The following ATRNL1 variants were observed in gnomAD, a reference collection of about 807,000 sequenced individuals.
ATRNL1 encodes the protein attractin-like protein 1.
In ATRNL1, 95 loss-of-function variants were observed where a neutral mutation model predicts 182.7. That is an observed-to-expected ratio of 0.52 (90% CI 0.44 to 0.62). The LOEUF (loss-of-function observed/expected upper bound fraction) is 0.62. Ranked by LOEUF, ATRNL1 falls within the 20% of genes least tolerant of loss-of-function variation. The probability of loss-of-function intolerance (pLI) is 0.00; values close to 1 mark genes in which losing one functional copy is unlikely to be tolerated. For missense variants in ATRNL1, 1,471 were observed against 1,679.5 expected, an observed-to-expected ratio of 0.88 and a Z score of 2.17; for synonymous variants, 576 against 568.3, an observed-to-expected ratio of 1.01 and a Z score of -0.19.
chr10:115,896,893 C>T (rs1230030686), intron 28 of ATRNL1, among the ~76,000 whole-genome samples: 1 of 151,970 alleles, frequency 6.6e-6, no homozygotes, highest in East Asian at 1.9e-4. Flanking sequence ...TATGAGTAAA[C>T]ATTTTTACAA....
chr10:115,474,967 A>T (rs1263550035), intron 24 of ATRNL1, among the ~76,000 whole-genome samples: 1 of 151,328 alleles, frequency 6.6e-6, no homozygotes, highest in African/African-American at 2.4e-5. Flanking sequence ...CCCCTAGGTG[A>T]TAATGTGCAC....
chr10:115,881,136 A>G (rs1555108472), intron 28 of ATRNL1, among the ~76,000 whole-genome samples: 1 of 152,176 alleles, frequency 6.6e-6, no homozygotes, highest in African/African-American at 2.4e-5. Context: ...TTTTATGCTC[A>G]GGGCATTGCC....
chr10:115,328,497 A>G (rs868991350), intron 18 of ATRNL1, among the ~76,000 whole-genome samples: 44 of 151,972 alleles, frequency 2.9e-4, no homozygotes, highest in Admixed American at 2.8e-3. Context: ...TCACCTTACT[A>G]CTGTTCTTGT....
intron 27 of ATRNL1, among the ~76,000 whole-genome samples, chr10:115,776,068 T>C (rs1313610987): frequency 6.6e-6 from 1 of 152,204 alleles, no homozygotes; most frequent in Non-Finnish European, 1.5e-5. Flanking sequence ...CTGTCTGCTT[T>C]CTTGATGACA....
intron 9 of ATRNL1, 113 bp from the exon 10 acceptor site, chr10:115,241,458 C>T: frequency 1.8e-6 from 1 of 552,942 alleles, no homozygotes; most frequent in Non-Finnish European, 2.9e-6. Flanking sequence ...TGTTTTTTTC[C>T]CCCACAATTC....
intron 26 of ATRNL1, among the ~76,000 whole-genome samples, chr10:115,579,106 G>T (rs150848710): frequency 1.4e-3 from 209 of 151,774 alleles, no homozygotes; most frequent in African/African-American, 4.7e-3. Flanking sequence ...GTTAAGAATT[G>T]TTTTGTGGTC....
intron 28 of ATRNL1, among the ~76,000 whole-genome samples, chr10:115,874,325 C>T (rs1951651676): frequency 1.3e-5 from 2 of 152,212 alleles, no homozygotes. Flanking sequence ...TTTCCGTTCT[C>T]ACACTGACCA....
chr10:115,297,822 T>C (rs1344346270), intron 15 of ATRNL1, among the ~76,000 whole-genome samples: 2 of 152,142 alleles, frequency 1.3e-5, no homozygotes, highest in Non-Finnish European at 2.9e-5. Context: ...GACATATTAT[T>C]TTTAGTTCTT....
chr10:115,439,521 T>C (rs1032552520), intron 21 of ATRNL1, among the ~76,000 whole-genome samples: 1 of 151,858 alleles, frequency 6.6e-6, no homozygotes, highest in Non-Finnish European at 1.5e-5. Context: ...TGTTGCTAAA[T>C]TGTACTAGTT....
chr10:115,183,699 A>T (rs780680961), intron 8 of ATRNL1, among the ~76,000 whole-genome samples: 1 of 151,544 alleles, frequency 6.6e-6, no homozygotes, highest in East Asian at 1.9e-4. Context: ...CACCAGGCCT[A>T]GATGATACCA....
intron 27 of ATRNL1, among the ~76,000 whole-genome samples, chr10:115,781,349 T>C (rs1213906889): frequency 2.0e-5 from 3 of 152,164 alleles, no homozygotes; most frequent in Non-Finnish European, 4.4e-5. Context: ...TTCTCCTAGA[T>C]ATAAGCCTAA....
At chr10:115,393,736 A>G (rs1844149077) in intron 19 of ATRNL1, among the ~76,000 whole-genome samples, 1 of 152,128 alleles carries the variant, frequency 6.6e-6, no homozygotes, top group African/African-American at 2.4e-5. Flanking sequence ...TGGCTGTTAG[A>G]ATGAAAAGGA....
At chr10:115,328,031 A>G (rs1380961950) in intron 18 of ATRNL1, among the ~76,000 whole-genome samples, 2 of 152,126 alleles carry the variant, frequency 1.3e-5, no homozygotes, top group African/African-American at 4.8e-5. Context: ...GCACATGTAT[A>G]CATATGTAAC....
chr10:115,405,048 A>C (rs1318800396), intron 20 of ATRNL1, among the ~76,000 whole-genome samples: 3 of 152,178 alleles, frequency 2.0e-5, no homozygotes, highest in Admixed American at 6.5e-5. Flanking sequence ...GTTAAGATTT[A>C]GGATATACTA....
At chr10:115,504,422 C>T (rs1850005105) in intron 24 of ATRNL1, among the ~76,000 whole-genome samples, 1 of 151,938 alleles carries the variant, frequency 6.6e-6, no homozygotes, top group Non-Finnish European at 1.5e-5. Context: ...ACTAGTCCAC[C>T]TAAAGCCACA....
At chr10:115,151,614 AT>A (rs1554880628) in intron 5 of ATRNL1, among the ~76,000 whole-genome samples, 1 of 152,130 alleles carries the variant, frequency 6.6e-6, no homozygotes, top group Non-Finnish European at 1.5e-5. Context: ...GATTCTGGAT[AT>A]TAGCCCTTTG....
At chr10:115,597,729 G>A (rs1220826939) in intron 26 of ATRNL1, 5 of 444,324 alleles carry the variant, frequency 1.1e-5, no homozygotes, top group Admixed American at 2.5e-5. Flanking sequence ...GTATTTTTTA[G>A]TAGAGATGGG....
intron 19 of ATRNL1, among the ~76,000 whole-genome samples, chr10:115,381,678 A>G (rs1317471153): frequency 2.6e-5 from 4 of 151,580 alleles, no homozygotes; most frequent in East Asian, 3.9e-4. Flanking sequence ...TATTTTTTTG[A>G]TGGTATCATT....
chr10:115,436,116 C>A (rs1317317541), intron 21 of ATRNL1, among the ~76,000 whole-genome samples: 3 of 151,990 alleles, frequency 2.0e-5, no homozygotes, highest in African/African-American at 7.2e-5. Context: ...ACTATTATAT[C>A]ACTGAAAAAC....
Sources: gnomAD v4.1 joint callset for allele counts (sites outside exome capture counted in the v4.1 genomes callset) on GRCh38, gnomAD v4.1.1 for gene constraint, MANE v1.5 for transcripts, NCBI Gene and HGNC (gene_info 2026-07-23, HGNC 2026-07-21) for gene names.